Variants in ZNF407 observed in about 807,000 individuals in gnomAD.
The protein encoded by ZNF407 is zinc finger protein 407.
ZNF407 carries 17 observed loss-of-function variants against 131.2 expected under a neutral mutation model. The ratio of observed to expected loss-of-function variants is 0.13; its 90% CI spans 0.09 to 0.19. The LOEUF (loss-of-function observed/expected upper bound fraction) is 0.19, where lower values mean the gene tolerates loss of function less well. Among genes scored for constraint, ZNF407 ranks in the 10% least tolerant of loss-of-function variants. ZNF407 has a pLI of 1.00. For synonymous variants in ZNF407, 1,156 were observed against 1,062.0 expected (o/e 1.09, Z -1.72); for missense variants, 2,681 against 2,830.6 (o/e 0.95, Z 1.20).
chr18:74,807,619 T>A (rs1282200741), intron 4 of ZNF407, among the ~76,000 whole-genome samples: 1 of 152,186 alleles, frequency 6.6e-6, no homozygotes, highest in Non-Finnish European at 1.5e-5. Context: ...CATAGTAAAG[T>A]AATATTTGTA....
rs575091066 is a variant in ZNF407, at chr18:74,866,323, G to T, written c.4878-10874G>T. Among the ~76,000 whole-genome samples the T allele has an allele frequency of 3.3e-5, 5 of 152,124 alleles. No individual in the cohort carries two copies. In the East Asian group the frequency reaches 5.8e-4, roughly 18 times the overall value. ...AGGGTCAATTTTGTACTGAACTCTG[G>T]GATTACTGGGTAATACATCTCAACC... On this transcript the variant is annotated intron_variant, in intron 4 of 8. Coordinates refer to ENST00000299687, the MANE Select transcript of ZNF407 (RefSeq NM_017757.3).
intron 8 of ZNF407, among the ~76,000 whole-genome samples, chr18:74,938,109 A>G (rs150277846): frequency 1.3e-5 from 2 of 152,306 alleles, no homozygotes; most frequent in Non-Finnish European, 2.9e-5. Flanking sequence ...AGCGGGCCCC[A>G]TAAAATTCAG....
chr18:75,006,269 C>T (rs1352378148), intron 8 of ZNF407, among the ~76,000 whole-genome samples: 1 of 152,106 alleles, frequency 6.6e-6, no homozygotes, highest in Non-Finnish European at 1.5e-5. Context: ...CCTATTATAT[C>T]TTTGTTTTAT....
rs1369534807 is a variant in ZNF407, at chr18:74,881,097, C to G, written c.5106C>G (p.Thr1702=). ...GFAGGTRHAL[T]KHRRQHTGEK... is the part of the protein sequence containing the mutation. ...CCGGCGGGACCCGCCACGCCCTCAC[C>G]AAGCATCGCAGACAGCACACAGGTC... The change falls in exon 6 of 9, where the codon ACC becomes ACG. Residue 1702 remains threonine, a synonymous_variant. Transcript: ENST00000299687. The G allele has an allele frequency of 4.4e-6, 7 of 1,578,828 alleles. No homozygotes were observed. The highest frequency in any genetic ancestry group is 5.2e-6 in the Non-Finnish European group (6 of 1,162,000).
intron 1 of ZNF407, among the ~76,000 whole-genome samples, chr18:74,605,599 AG>A (rs1443093330): frequency 4.6e-5 from 7 of 152,246 alleles, no homozygotes; most frequent in Non-Finnish European, 8.8e-5. Context: ...CATACATAGC[AG>A]TTAAGGTTTT....
At chr18:74,715,055 A>G (rs1395748823) in intron 3 of ZNF407, among the ~76,000 whole-genome samples, 1 of 152,112 alleles carries the variant, frequency 6.6e-6, no homozygotes, top group East Asian at 1.9e-4. Context: ...GCTTTTCCTT[A>G]CAAAACCTAC....
rs534621734 is a variant in ZNF407, at chr18:74,660,149, C to A, written c.4802+19027C>A. On this transcript the variant is annotated intron_variant, in intron 3 of 8. Coordinates refer to ENST00000299687, the MANE Select transcript of ZNF407 (RefSeq NM_017757.3). Reference sequence around the variant, plus strand: ...ATGTAGAGTTAAATACTTTAAAATGCAAATTGCATCTGATGATTTGCATAT... The same window carrying A: ...ATGTAGAGTTAAATACTTTAAAATGAAAATTGCATCTGATGATTTGCATAT... 2.6e-5 allele frequency among the ~76,000 whole-genome samples: 4 copies of A among 152,148 alleles called. No individual in the cohort carries two copies. In the East Asian group the frequency reaches 7.7e-4, roughly 29 times the overall value.
At chr18:74,938,155 A>G (rs1972058851) in intron 8 of ZNF407, among the ~76,000 whole-genome samples, 1 of 152,222 alleles carries the variant, frequency 6.6e-6, no homozygotes, top group Non-Finnish European at 1.5e-5. Flanking sequence ...CTTTTAGAAC[A>G]TTTGACCTTA....
At chr18:75,027,719 G>A (rs1386184100) in intron 8 of ZNF407, among the ~76,000 whole-genome samples, 1 of 152,170 alleles carries the variant, frequency 6.6e-6, no homozygotes, top group Non-Finnish European at 1.5e-5. Flanking sequence ...GACAAGAGAG[G>A]GTTCAGAGTT....
chr18:74,726,909 T>C (rs1968170899), intron 3 of ZNF407, among the ~76,000 whole-genome samples: 1 of 152,154 alleles, frequency 6.6e-6, no homozygotes, highest in Non-Finnish European at 1.5e-5. Flanking sequence ...TGCATCTTAT[T>C]GGAGGTGAGA....
chr18:74,737,103 A>C (rs903204926), intron 3 of ZNF407, among the ~76,000 whole-genome samples: 1 of 152,228 alleles, frequency 6.6e-6, no homozygotes, highest in Non-Finnish European at 1.5e-5. Flanking sequence ...TTGTAATAAA[A>C]TTGTACGATG....
At chr18:74,674,337 A>G (rs1986270036) in intron 3 of ZNF407, among the ~76,000 whole-genome samples, 1 of 152,156 alleles carries the variant, frequency 6.6e-6, no homozygotes, top group Non-Finnish European at 1.5e-5. Context: ...ACATCATGAA[A>G]GTTGTCAAAG....
At chr18:74,995,813 G>A (rs1972774050) in intron 8 of ZNF407, among the ~76,000 whole-genome samples, 1 of 152,138 alleles carries the variant, frequency 6.6e-6, no homozygotes, top group African/African-American at 2.4e-5. Context: ...TTTTTCCTTA[G>A]ACAACTTTGT....
intron 8 of ZNF407, among the ~76,000 whole-genome samples, chr18:74,933,042 A>T (rs554713835): frequency 9.9e-5 from 15 of 152,178 alleles, no homozygotes; most frequent in Non-Finnish European, 1.8e-4. Flanking sequence ...CCACTTTGGG[A>T]TAGATATCCC....
intron 3 of ZNF407, among the ~76,000 whole-genome samples, chr18:74,758,561 G>A (rs202013634): frequency 6.6e-6 from 1 of 151,972 alleles, no homozygotes; most frequent in South Asian, 2.1e-4. Flanking sequence ...AATTGGACAG[G>A]GAAAATAATT....
intron 4 of ZNF407, among the ~76,000 whole-genome samples, chr18:74,797,032 A>G (rs1969932623): frequency 2.0e-5 from 3 of 152,202 alleles, no homozygotes; most frequent in African/African-American, 7.2e-5. Context: ...GTAACTGGGG[A>G]CGAGAAGAAG....
intron 8 of ZNF407, among the ~76,000 whole-genome samples, chr18:75,056,749 C>T (rs1281263313): frequency 6.6e-6 from 1 of 152,198 alleles, no homozygotes; most frequent in Non-Finnish European, 1.5e-5. Flanking sequence ...ACTGGCCAAA[C>T]TATCGGTGAC....
At chr18:74,887,306 A>G (rs1366521091) in intron 6 of ZNF407, among the ~76,000 whole-genome samples, 1 of 152,140 alleles carries the variant, frequency 6.6e-6, no homozygotes, top group Non-Finnish European at 1.5e-5. Context: ...CCAGAGGTTT[A>G]GAAACTGAGA....
intron 4 of ZNF407, among the ~76,000 whole-genome samples, chr18:74,846,993 CA>C (rs34570082): frequency 0.37 from 55,418 of 147,972 alleles, 10,385 homozygotes; most frequent in East Asian, 0.44. Flanking sequence ...GACTTAGTCT[CA>C]AAAAAAAAAA....
Sources: allele counts gnomAD v4.1 joint callset (sites outside exome capture counted in the v4.1 genomes callset), GRCh38; gene constraint gnomAD v4.1.1; transcripts MANE v1.5; gene names NCBI Gene and HGNC (gene_info 2026-07-23, HGNC 2026-07-21).